RNGTT: variants seen among roughly 807,000 people sequenced by gnomAD.
RNGTT encodes RNA guanylyltransferase and 5'-phosphatase.
A neutral mutation model predicts 79.3 loss-of-function variants in RNGTT; 33 were observed. That is an observed-to-expected ratio of 0.42 (90% CI 0.32 to 0.56). The LOEUF is 0.56. Ranked by LOEUF, RNGTT falls within the 20% of genes least tolerant of loss-of-function variation. The probability of loss-of-function intolerance (pLI) is 0.17; values close to 1 mark genes in which losing one functional copy is unlikely to be tolerated. For synonymous variants in RNGTT, 222 were observed against 235.9 expected (o/e 0.94, Z 0.54); for missense variants, 497 against 739.1 (o/e 0.67, Z 3.80).
intron 13 of RNGTT, among the ~76,000 whole-genome samples, chr6:88,689,842 A>T (rs769338248): frequency 3.0e-4 from 45 of 151,014 alleles, no homozygotes; most frequent in Non-Finnish European, 5.9e-4. Flanking sequence ...GCATAGTCTC[A>T]AAGTTTCTCC....
intron 13 of RNGTT, chr6:88,714,199 A>G (rs1776420372): frequency 6.6e-6 from 1 of 152,252 alleles, no homozygotes; most frequent in Admixed American, 6.5e-5. Flanking sequence ...CCATGAAATT[A>G]TAACTTAAAA....
chr6:88,895,057 A>T (rs1317131079), intron 6 of RNGTT, among the ~76,000 whole-genome samples: 1 of 152,182 alleles, frequency 6.6e-6, no homozygotes. Flanking sequence ...TGTGAAAATA[A>T]AGAAAAATCG....
rs1784832747 is a variant in RNGTT at position 88,941,196 on chromosome 6, A to C, written c.65-16T>G. ...AAGAATCTTCCTAAACAACACAGAT[A>C]GGTAATCATTTCCATAAAAGGAAAT... On this transcript the variant is annotated splice_polypyrimidine_tract_variant and intron_variant, in intron 1 of 15. Coordinates refer to ENST00000369485, the MANE Select transcript of RNGTT (RefSeq NM_003800.5). 1 of 1,380,692 alleles carries C rather than the reference A, an allele frequency of 7.2e-7. No homozygotes were observed. The allele number at this position is 1,380,692 out of a possible 1,614,324, so 85.5% of individuals were successfully genotyped here. A position where few individuals can be genotyped will look rare whatever the true frequency, so the allele number is the denominator to read the frequency against.
At chr6:88,712,633 C>A (rs1343872159) in intron 13 of RNGTT, among the ~76,000 whole-genome samples, 1 of 152,154 alleles carries the variant, frequency 6.6e-6, no homozygotes, top group African/African-American at 2.4e-5. Flanking sequence ...TTATTATAGG[C>A]ATTGCTAATC....
At chr6:88,782,626 GA>G (rs1351144698) in intron 12 of RNGTT, among the ~76,000 whole-genome samples, 17 of 151,984 alleles carry the variant, frequency 1.1e-4, no homozygotes, top group Admixed American at 3.9e-4. Context: ...TATGAAATGA[GA>G]AAAAATAATC....
chr6:88,849,511 A>G (rs1257134264), intron 10 of RNGTT, among the ~76,000 whole-genome samples: 1 of 151,986 alleles, frequency 6.6e-6, no homozygotes, highest in East Asian at 1.9e-4. Flanking sequence ...TTATTTTATC[A>G]GAGTTATGCC....
chr6:88,617,039 G>A (rs1461940962), intron 14 of RNGTT, among the ~76,000 whole-genome samples: 8 of 152,218 alleles, frequency 5.3e-5, no homozygotes, highest in African/African-American at 9.7e-5. Context: ...TTGGGAGGCC[G>A]AGGTGGGCAG....
At chr6:88,626,690 T>A (rs1006214938) in intron 14 of RNGTT, among the ~76,000 whole-genome samples, 1 of 152,094 alleles carries the variant, frequency 6.6e-6, no homozygotes, top group African/African-American at 2.4e-5. Context: ...TTCTCAATCA[T>A]TAAGAATTTA....
intron 8 of RNGTT, among the ~76,000 whole-genome samples, chr6:88,884,134 CCTT>C (rs1279308682): frequency 6.6e-6 from 1 of 152,138 alleles, no homozygotes; most frequent in African/African-American, 2.4e-5. Context: ...ACTCAGCAAT[CCTT>C]CTTTCTAGAA....
chr6:88,684,424 C>A lies in RNGTT; in HGVS notation c.1440-6005G>T, dbSNP rs538670295. 1.6e-3 allele frequency among the ~76,000 whole-genome samples: 237 copies of A among 152,254 alleles called. 2 individuals are homozygous for A. Among genetic ancestry groups the A allele is most frequent in the African/African-American group, 5.4e-3 (226 of 41,540 alleles). ...AGAAAATGTATGTCCATACAAAAAA[C>A]CTGCACATGGGTGTTTATAGCGGCT... is the stretch of plus-strand genomic sequence containing the variant. On this transcript the variant is annotated intron_variant, in intron 13 of 15. Transcript: ENST00000369485.
intron 11 of RNGTT, among the ~76,000 whole-genome samples, chr6:88,826,751 C>T (rs1454222961): frequency 2.0e-5 from 3 of 147,572 alleles, no homozygotes; most frequent in Non-Finnish European, 1.5e-5. Context: ...CCATTCCACT[C>T]CAGCCTGGGC....
At chr6:88,716,034 A>G (rs1485844354) in intron 13 of RNGTT, among the ~76,000 whole-genome samples, 1 of 151,872 alleles carries the variant, frequency 6.6e-6, no homozygotes, top group Non-Finnish European at 1.5e-5. Flanking sequence ...CAGGCAACCT[A>G]CAAAATGGGA....
At chr6:88,761,453 T>A (rs1047451093) in intron 13 of RNGTT, among the ~76,000 whole-genome samples, 3 of 152,102 alleles carry the variant, frequency 2.0e-5, no homozygotes, top group African/African-American at 7.2e-5. Flanking sequence ...ATTGCACCAC[T>A]GCACTCCAGC....
rs1415257667 is a variant in RNGTT at position 88,698,222 on chromosome 6, C to CATATATATATGAA, written c.1440-19816_1440-19804dup. 1.7e-4 allele frequency among the ~76,000 whole-genome samples: 12 copies of CATATATATATGAA among 70,858 alleles called. No homozygotes were observed. The East Asian group carries it at 2.5e-3, about 15-fold the overall frequency. 46.5% of individuals were successfully genotyped at this position (70,858 alleles called of 152,430 possible). On this transcript the variant is annotated intron_variant, in intron 13 of 15. Coordinates refer to ENST00000369485, the MANE Select transcript of RNGTT (RefSeq NM_003800.5). ...TATGATATATATGAAATATATATAT[C>CATATATATATGAA]ATATATATATGAAATATATATATGA...
intron 1 of RNGTT, among the ~76,000 whole-genome samples, chr6:88,955,944 G>A (rs1321303973): frequency 6.6e-6 from 1 of 151,112 alleles, no homozygotes; most frequent in Non-Finnish European, 1.5e-5. Context: ...GGGAGGCTGA[G>A]GCAGGAGAAT....
At chr6:88,912,284 C>G (rs1369743405) in intron 4 of RNGTT, among the ~76,000 whole-genome samples, 6 of 151,818 alleles carry the variant, frequency 4.0e-5, no homozygotes, top group Admixed American at 3.3e-4. Flanking sequence ...TGGTGGCATG[C>G]ACCTGTAATC....
At chr6:88,691,073 C>G (rs1388985725) in intron 13 of RNGTT, among the ~76,000 whole-genome samples, 1 of 152,114 alleles carries the variant, frequency 6.6e-6, no homozygotes, top group Admixed American at 6.5e-5. Flanking sequence ...GTGTCCCCGC[C>G]CAAATCTCAT....
At chr6:88,739,727 A>ATATATATATATATATATG (rs1777408853) in intron 13 of RNGTT, among the ~76,000 whole-genome samples, 7 of 7,538 alleles carry the variant, frequency 9.3e-4, no homozygotes, top group Non-Finnish European at 1.9e-3. Context: ...GAAAAAAATT[A>ATATATATATATATATATG]TATATATATA....
chr6:88,817,953 G>A (rs1268506607), intron 11 of RNGTT, among the ~76,000 whole-genome samples: 2 of 151,510 alleles, frequency 1.3e-5, no homozygotes, highest in East Asian at 2.0e-4. Context: ...TAGAAACGGG[G>A]TTTCACCGTG....
Sources: allele counts gnomAD v4.1 joint callset (sites outside exome capture counted in the v4.1 genomes callset), GRCh38; gene constraint gnomAD v4.1.1; transcripts MANE v1.5; gene names NCBI Gene and HGNC (gene_info 2026-07-23, HGNC 2026-07-21).